SLC10A4: variants seen among roughly 807,000 people sequenced by gnomAD.
SLC10A4 encodes the protein putative sodium/bile acid cotransporter 4.
SLC10A4 carries 17 observed loss-of-function variants against 22.5 expected under a neutral mutation model. The ratio of observed to expected loss-of-function variants is 0.76; its 90% CI spans 0.52 to 1.14. SLC10A4 has a LOEUF of 1.14. SLC10A4 is among the 50% of genes most tolerant of loss of function. The probability of loss-of-function intolerance (pLI) is 0.00; values close to 1 mark genes in which losing one functional copy is unlikely to be tolerated. For missense variants in SLC10A4, 548 were observed against 584.0 expected (o/e 0.94, Z 0.64); for synonymous variants, 257 against 258.2 (o/e 1.00, Z 0.04).
At position 48,483,624 on chromosome 4, in the gene SLC10A4, G is replaced by A. The variant is rs749941631; in HGVS notation, c.63G>A (p.Leu21=). The change falls in exon 1 of 3, where the codon CTG becomes CTA. Residue 21 remains leucine (L), a synonymous_variant. Transcript: ENST00000273861. The surrounding 1 kb of genome is among the most constrained non-coding windows in gnomAD (Gnocchi z 5.4). ...CTCTGCTGCGGGACAACTACACCCT[G>A]GCGCCCAATGCCAGCAGCCTGGGCC... is the stretch of plus-strand genomic sequence containing the variant. ...FAPLLRDNYT[L]APNASSLGPG... The A allele has an allele frequency of 5.1e-5, 76 of 1,495,926 alleles. No individual in the cohort carries two copies. The highest frequency in any genetic ancestry group is 4.1e-5 in the Non-Finnish European group (46 of 1,126,846). 92.7% of individuals were successfully genotyped at this position (1,495,926 alleles called of 1,614,324 possible).
In SLC10A4 at chr4:48,484,112, A is replaced by G. The variant is rs1175863181; in HGVS notation, c.551A>G (p.Asn184Ser). The G allele has an allele frequency of 6.9e-6, 11 of 1,599,680 alleles. No homozygotes were observed. The highest frequency in any genetic ancestry group is 1.3e-5 in the African/African-American group (1 of 74,640). ...CGCCPGGNLS[N>S]LMSLLVDGDM... ...TGCTGTCCCGGCGGCAATCTCTCCA[A>G]TCTTATGTCCCTGCTGGTTGACGGC... is the stretch of plus-strand genomic sequence containing the variant. Residue 184 changes from asparagine to serine, a missense_variant, in exon 1 of 3, where the codon AAT (asparagine) becomes AGT (serine). Around this residue, in one of 3 missense-constraint regions of SLC10A4, gnomAD observed 314 missense variants for 353.2 expected, o/e 0.89. Coordinates refer to ENST00000273861, the MANE Select transcript of SLC10A4 (RefSeq NM_152679.4).
In SLC10A4 at chr4:48,488,802, C is replaced by T. The variant is rs777873060; in HGVS notation, c.1177C>T (p.Arg393Ter). The T allele has an allele frequency of 4.5e-5, 72 of 1,613,756 alleles. No homozygotes were observed. Among genetic ancestry groups the T allele is most frequent in the Middle Eastern group, 1.6e-4 (1 of 6,082 alleles). The change falls in exon 3 of 3, where the codon CGA (arginine) becomes TGA (stop). Residue 393 changes from arginine (R) to a stop codon, truncating the protein, a stop_gained. Coordinates refer to ENST00000273861, the MANE Select transcript of SLC10A4 (RefSeq NM_152679.4). LOFTEE classifies it high-confidence loss of function. ...KMYGSEMLHK[R>*]DPLDEDEDTD... is the part of the protein sequence containing the mutation. ...GTATGGAAGTGAAATGTTGCACAAGCGAGATCCTCTAGATGAAGATGAAGA... is the reference window on the plus strand; with the variant it reads ...GTATGGAAGTGAAATGTTGCACAAGTGAGATCCTCTAGATGAAGATGAAGA...
rs777702602 is a variant in SLC10A4 at position 48,484,093 on chromosome 4, C to T, written c.532C>T (p.Pro178Ser). ...GGCGGTGCTCCTGTGTGGCTGCTGT[C>T]CCGGCGGCAATCTCTCCAATCTTAT... ...AVAVLLCGCC[P>S]GGNLSNLMSL... Residue 178 changes from proline (P) to serine (S), a missense_variant, in exon 1 of 3, where the codon CCC becomes TCC. By Grantham distance (74) the Pro-to-Ser change is moderately conservative (BLOSUM62 -1). Around this residue, in one of 3 missense-constraint regions of SLC10A4, gnomAD observed 314 missense variants for 353.2 expected, o/e 0.89. Transcript: ENST00000273861. The T allele has an allele frequency of 2.5e-6, 4 of 1,604,794 alleles. No individual in the cohort carries two copies. Among genetic ancestry groups the T allele is most frequent in the Admixed American group, 1.7e-5 (1 of 59,642 alleles).
At position 48,488,125 on chromosome 4, in the gene SLC10A4, G is replaced by GT. The variant is rs1398558895; in HGVS notation, c.802-296dup. Among the ~76,000 whole-genome samples, 16 of 150,712 alleles carry GT rather than the reference G, an allele frequency of 1.1e-4. No homozygotes were observed. In the South Asian group the frequency reaches 2.8e-3, roughly 26 times the overall value. ...CCAGAAAAGCTGGGTTTTTTTGTTTGTTTTTTGTTTTTGAAGAGCTGGTCT... is the reference window on the plus strand; with the variant it reads ...CCAGAAAAGCTGGGTTTTTTTGTTTGTTTTTTTGTTTTTGAAGAGCTGGTCT... On this transcript the variant is annotated intron_variant, in intron 2 of 2. Transcript: ENST00000273861.
Position 48,483,706 on chromosome 4 carries a change from A to G in SLC10A4, c.145A>G (p.Ser49Gly), listed in dbSNP as rs1718222941. The change falls in exon 1 of 3, where the codon AGC (serine) becomes GGC (glycine). Residue 49 changes from serine (S) to glycine (G), a missense_variant. Physicochemically the swap from Ser to Gly is moderately conservative, Grantham distance 56. This residue lies in a region of SLC10A4 where 225 missense variants were observed against 206.9 expected (regional missense o/e 1.09). Transcript: ENST00000273861. The surrounding 1 kb of genome is among the most constrained non-coding windows in gnomAD (Gnocchi z 5.4). The part of the protein sequence containing the change: ...ASSAGPGPGL[S>G]LGPGPSFGFS... ...CAGCGCCGGCCCCGGCCCTGGGCTC[A>G]GCCTCGGGCCGGGTCCGAGCTTCGG... 2.8e-6 allele frequency: 4 copies of G among 1,439,192 alleles called. No homozygotes were observed. The East Asian group carries it at 1.2e-4, about 43-fold the overall frequency. The allele number at this position is 1,439,192 out of a possible 1,614,324, so 89.2% of individuals were successfully genotyped here.
At position 48,485,031 on chromosome 4, in the gene SLC10A4, G is replaced by A; in HGVS notation, c.690G>A (p.Gln230=). 6.2e-7 allele frequency: 1 copy of A among 1,614,130 alleles called. No individual in the cohort carries two copies. Among genetic ancestry groups the A allele is most frequent in the East Asian group, 2.2e-5 (1 of 44,878 alleles). Residue 230 remains glutamine, a synonymous_variant, in exon 2 of 3, where the codon CAG becomes CAA. Transcript: ENST00000273861. Reference sequence around the variant, plus strand: ...CTTGGATCAACACCCCTATCGTGCAGTTACTACCCCTAGGGACCGTGACCC... The same window carrying A: ...CTTGGATCAACACCCCTATCGTGCAATTACTACCCCTAGGGACCGTGACCC... The part of the protein sequence containing the change: ...SWAWINTPIV[Q]LLPLGTVTLT...
At position 48,483,443 on chromosome 4, in the gene SLC10A4, G is replaced by A; in HGVS notation, c.-119G>A. On this transcript the variant is annotated 5_prime_UTR_variant, in exon 1 of 3. Transcript: ENST00000273861. This position sits in a 1 kb window ranked among gnomAD's most constrained non-coding sequence, Gnocchi z 5.4. ...CCCCGACGCCGCCGAGCACGTCAGC[G>A]GCGCGCAGCCGGGGCTCGGAGACCG... 1 of 787,830 alleles carries A rather than the reference G, an allele frequency of 1.3e-6. No individual in the cohort carries two copies. Among genetic ancestry groups the A allele is most frequent in the Admixed American group, 4.4e-5 (1 of 22,962 alleles). The allele number at this position is 787,830 out of a possible 1,614,324, so 48.8% of individuals were successfully genotyped here. A position where few individuals can be genotyped will look rare whatever the true frequency, so the allele number is the denominator to read the frequency against.
At chr4:48,485,778 G>A (rs1220259812) in intron 2 of SLC10A4, among the ~76,000 whole-genome samples, 1 of 152,088 alleles carries the variant, frequency 6.6e-6, no homozygotes, top group Non-Finnish European at 1.5e-5. Flanking sequence ...TTTCTCCATT[G>A]CAATATTTTA....
intron 2 of SLC10A4, 72 bp downstream of exon 2, chr4:48,485,214 G>A: frequency 6.7e-7 from 1 of 1,498,276 alleles, no homozygotes; most frequent in Non-Finnish European, 9.3e-7. Flanking sequence ...AGAAATGTTA[G>A]GAAGTTTGGA....
intron 2 of SLC10A4, among the ~76,000 whole-genome samples, chr4:48,487,315 A>T (rs1718299140): frequency 6.6e-6 from 1 of 152,254 alleles, no homozygotes; most frequent in African/African-American, 2.4e-5. Flanking sequence ...AGAATTCTTC[A>T]CATATTTATT....
At chr4:48,484,884 GTTTGACTCAAAGCTCGTTCTGA>G in intron 1 of SLC10A4, 26 bp from the exon 2 acceptor site, 1 of 1,565,124 alleles carries the variant, frequency 6.4e-7, no homozygotes, top group South Asian at 1.1e-5. Context: ...TTAGCTGGCT[GTTTGACTCAAAGCTCGTTCTGA>G]TTTCTGCACA....
Position 48,483,751 on chromosome 4 carries a change from C to T in SLC10A4, c.190C>T (p.Pro64Ser), listed in dbSNP as rs1718224738. The change falls in exon 1 of 3, where the codon CCG becomes TCG. Residue 64 changes from proline to serine, a missense_variant. By Grantham distance (74) the Pro-to-Ser change is moderately conservative. Transcript: ENST00000273861. This position sits in a 1 kb window ranked among gnomAD's most constrained non-coding sequence, Gnocchi z 5.4. Reference sequence around the variant, plus strand: ...CTTCGGCTTCAGCCCCGGCCCCACTCCGACCCCGGAGCCCACGACCAGCGG... The same window carrying T: ...CTTCGGCTTCAGCCCCGGCCCCACTTCGACCCCGGAGCCCACGACCAGCGG... The part of the protein sequence containing the change: ...PSFGFSPGPT[P>S]TPEPTTSGLA... 4.1e-6 allele frequency: 6 copies of T among 1,473,030 alleles called. No homozygotes were observed. Among genetic ancestry groups the T allele is most frequent in the Non-Finnish European group, 5.4e-6 (6 of 1,118,036 alleles). The allele number at this position is 1,473,030 out of a possible 1,614,324, so 91.2% of individuals were successfully genotyped here.
At position 48,483,840 on chromosome 4, in the gene SLC10A4, G is replaced by C; in HGVS notation, c.279G>C (p.Ala93=). The change falls in exon 1 of 3, where the codon GCG becomes GCC. Residue 93 remains alanine, a synonymous_variant. Coordinates refer to ENST00000273861, the MANE Select transcript of SLC10A4 (RefSeq NM_152679.4). This position sits in a 1 kb window ranked among gnomAD's most constrained non-coding sequence, Gnocchi z 5.4. The part of the protein sequence containing the change: ...SPFPRPWAPH[A]LPFWDTPLNH... ...TCCCTCGGCCCTGGGCGCCCCACGC[G>C]CTCCCGTTCTGGGACACGCCGCTGA... 1 of 1,536,404 alleles carries C rather than the reference G, an allele frequency of 6.5e-7. No homozygotes were observed. Among genetic ancestry groups the C allele is most frequent in the Non-Finnish European group, 8.7e-7 (1 of 1,144,132 alleles).
chr4:48,485,137 G>A lies in SLC10A4; in HGVS notation c.796G>A (p.Val266Met), dbSNP rs1489112945. ...ATACAGCCGGGTGGCTGACTACATTGTGAAGGTAAGGCCCCCTCTTCCCTT... is the reference window on the plus strand; with the variant it reads ...ATACAGCCGGGTGGCTGACTACATTATGAAGGTAAGGCCCCCTCTTCCCTT... ...YKYSRVADYIVKVSLWSLLVT... is the reference protein window; with the variant it reads ...YKYSRVADYIMKVSLWSLLVT... The change falls in exon 2 of 3, where the codon GTG (valine) becomes ATG (methionine). Residue 266 changes from valine to methionine, a missense_variant. Around this residue, in one of 3 missense-constraint regions of SLC10A4, gnomAD observed 314 missense variants for 353.2 expected, o/e 0.89. Coordinates refer to ENST00000273861, the MANE Select transcript of SLC10A4 (RefSeq NM_152679.4). 6.2e-7 allele frequency: 1 copy of A among 1,614,056 alleles called. No homozygotes were observed. The highest frequency in any genetic ancestry group is 1.7e-5 in the Admixed American group (1 of 60,022).
chr4:48,487,788 C>CT (rs35831946), intron 2 of SLC10A4, among the ~76,000 whole-genome samples: 1,668 of 39,842 alleles, frequency 0.042, 277 homozygotes, highest in Middle Eastern at 0.056. Flanking sequence ...TTTTGAAGAG[C>CT]TTTTTTTTTT....
chr4:48,484,204 C>A (rs1718238339), intron 1 of SLC10A4, 53 bp downstream of exon 1: 7 of 1,474,926 alleles, frequency 4.7e-6, no homozygotes, highest in Non-Finnish European at 6.3e-6. Flanking sequence ...CGCGCGTTTA[C>A]GGCCGTGGGC....
At chr4:48,484,784 C>A in intron 1 of SLC10A4, 148 bp from the exon 2 acceptor site, 1 of 693,068 alleles carries the variant, frequency 1.4e-6, no homozygotes, top group Non-Finnish European at 2.5e-6. Flanking sequence ...GCTCTCTTGG[C>A]ACTCTCCTCG....
intron 2 of SLC10A4, among the ~76,000 whole-genome samples, chr4:48,485,817 G>C (rs1166763841): frequency 6.6e-6 from 1 of 152,126 alleles, no homozygotes; most frequent in African/African-American, 2.4e-5. Context: ...TGAAAAGATA[G>C]GGGATTTCTA....
chr4:48,486,330 A>C (rs1198893671), intron 2 of SLC10A4, among the ~76,000 whole-genome samples: 2 of 151,924 alleles, frequency 1.3e-5, no homozygotes. Context: ...ATATATTAAT[A>C]CCTGTAATAT....
Sources: gnomAD v4.1 joint callset for allele counts (sites outside exome capture counted in the v4.1 genomes callset) on GRCh38, gnomAD v4.1.1 for gene constraint, gnomAD v4.1.1 regional missense constraint, Gnocchi (gnomAD v3.1) non-coding constraint, MANE v1.5 for transcripts, NCBI Gene and HGNC (gene_info 2026-07-23, HGNC 2026-07-21) for gene names.